Variants in CSMD1 observed in about 807,000 individuals in gnomAD.
CSMD1 encodes the protein CUB and Sushi multiple domains 1, also known as CUB and sushi domain-containing protein 1.
Under a neutral mutation model 417.5 loss-of-function variants are expected in CSMD1, and 213 were observed. The observed-to-expected ratio is 0.51, with a 90% CI of 0.46 to 0.57. The LOEUF (loss-of-function observed/expected upper bound fraction) is 0.57. CSMD1 is among the 20% of genes least tolerant of loss of function. The pLI is 0.00. For missense variants in CSMD1, 6,923 were observed against 4,529.7 expected (o/e 1.53, Z -15.17); for synonymous variants, 2,862 against 1,736.8 (o/e 1.65, Z -16.11).
intron 3 of CSMD1, among the ~76,000 whole-genome samples, chr8:4,271,234 C>T (rs950318302): frequency 6.6e-6 from 1 of 152,058 alleles, no homozygotes; most frequent in Admixed American, 6.6e-5. Flanking sequence ...ATACACGAAT[C>T]AGGGCGTAGT....
intron 3 of CSMD1, among the ~76,000 whole-genome samples, chr8:4,373,982 G>A (rs1293903460): frequency 6.6e-6 from 1 of 152,070 alleles, no homozygotes; most frequent in Non-Finnish European, 1.5e-5. Context: ...TACCATTAAC[G>A]GAAAAGCCAG....
At chr8:3,936,144 A>G (rs1244829367) in intron 5 of CSMD1, among the ~76,000 whole-genome samples, 2 of 151,480 alleles carry the variant, frequency 1.3e-5, no homozygotes, top group Non-Finnish European at 1.5e-5. Context: ...GCTGCAGAAG[A>G]TAAATTTGAA....
intron 19 of CSMD1, among the ~76,000 whole-genome samples, chr8:3,368,036 G>A (rs1040496216): frequency 1.3e-5 from 2 of 152,034 alleles, no homozygotes; most frequent in African/African-American, 2.4e-5. Flanking sequence ...CATAGTAACC[G>A]GAACTACAAA....
At chr8:3,547,610 G>C (rs12156289) in intron 10 of CSMD1, among the ~76,000 whole-genome samples, 4,588 of 152,114 alleles carry the variant, frequency 0.03, 173 homozygotes, top group African/African-American at 0.086. Flanking sequence ...TAAATATTAA[G>C]TTTACTATTT....
chr8:4,715,868 C>G (rs945025907), intron 1 of CSMD1, among the ~76,000 whole-genome samples: 1 of 152,198 alleles, frequency 6.6e-6, no homozygotes, highest in Non-Finnish European at 1.5e-5. Context: ...GGAATTGCCT[C>G]CTAAAGGGTC....
At chr8:2,948,313 G>C (rs1175739493) in intron 68 of CSMD1, among the ~76,000 whole-genome samples, 2 of 151,858 alleles carry the variant, frequency 1.3e-5, no homozygotes, top group Non-Finnish European at 2.9e-5. Flanking sequence ...GAAGAAATAG[G>C]CTCAAGAATA....
chr8:3,514,607 G>A (rs543657669), intron 10 of CSMD1, among the ~76,000 whole-genome samples: 194 of 152,286 alleles, frequency 1.3e-3, no homozygotes, highest in African/African-American at 4.5e-3. Flanking sequence ...TTGTTTTAAT[G>A]TGACTCACTA....
intron 6 of CSMD1, among the ~76,000 whole-genome samples, chr8:3,732,013 G>A (rs1187393127): frequency 6.6e-6 from 1 of 151,502 alleles, no homozygotes; most frequent in African/African-American, 2.4e-5. Context: ...TGTAAGAAGA[G>A]CAGAATGCAT....
At chr8:4,882,814 G>A (rs1355492477) in intron 1 of CSMD1, among the ~76,000 whole-genome samples, 1 of 151,876 alleles carries the variant, frequency 6.6e-6, no homozygotes, top group African/African-American at 2.4e-5. Context: ...GTAACAAACT[G>A]AGGAAAACTT....
intron 5 of CSMD1, among the ~76,000 whole-genome samples, chr8:3,933,165 T>A (rs1054620147): frequency 2.9e-5 from 4 of 135,904 alleles, no homozygotes; most frequent in Non-Finnish European, 4.9e-5. Flanking sequence ...AAAGTCCACC[T>A]CCGTGGTAAT....
At chr8:4,224,700 T>C (rs1298800602) in intron 3 of CSMD1, among the ~76,000 whole-genome samples, 1 of 152,216 alleles carries the variant, frequency 6.6e-6, no homozygotes, top group Non-Finnish European at 1.5e-5. Context: ...TGGAGATGAA[T>C]TACTAATATA....
chr8:4,119,467 A>G (rs1342437028), intron 3 of CSMD1, among the ~76,000 whole-genome samples: 1 of 152,186 alleles, frequency 6.6e-6, no homozygotes, highest in Non-Finnish European at 1.5e-5. Context: ...TGTCAGCCCG[A>G]AAACCCATTG....
At chr8:4,100,382 C>T (rs1265244388) in intron 3 of CSMD1, among the ~76,000 whole-genome samples, 6 of 152,198 alleles carry the variant, frequency 3.9e-5, no homozygotes, top group Non-Finnish European at 7.3e-5. Context: ...CATCTCCTTC[C>T]ACCTTCCCTG....
intron 3 of CSMD1, among the ~76,000 whole-genome samples, chr8:4,312,985 C>G (rs542648288): frequency 6.6e-6 from 1 of 151,952 alleles, no homozygotes; most frequent in Non-Finnish European, 1.5e-5. Context: ...GTAAGTTTTG[C>G]GGGGAAATGA....
intron 3 of CSMD1, among the ~76,000 whole-genome samples, chr8:4,130,835 C>G (rs987872671): frequency 9.3e-5 from 14 of 151,340 alleles, no homozygotes; most frequent in African/African-American, 3.2e-4. Flanking sequence ...GTACTATGTG[C>G]TATATTATAT....
chr8:4,198,936 G>A (rs561722670), intron 3 of CSMD1, among the ~76,000 whole-genome samples: 60 of 141,842 alleles, frequency 4.2e-4, no homozygotes, highest in South Asian at 4.6e-4. Context: ...TTGTATTTCC[G>A]TGTGTGTATT....
intron 1 of CSMD1, among the ~76,000 whole-genome samples, chr8:4,694,505 G>A (rs913417895): frequency 2.6e-5 from 4 of 151,934 alleles, no homozygotes; most frequent in Non-Finnish European, 4.4e-5. Flanking sequence ...ATATGCATGT[G>A]TCACCATGCC....
chr8:4,542,055 G>A (rs1410785966), intron 2 of CSMD1, among the ~76,000 whole-genome samples: 1 of 152,118 alleles, frequency 6.6e-6, no homozygotes, highest in East Asian at 1.9e-4. Flanking sequence ...AAGTCCCCGT[G>A]TGCAATGGGC....
At chr8:4,739,280 G>C (rs1484241977) in intron 1 of CSMD1, among the ~76,000 whole-genome samples, 2 of 152,098 alleles carry the variant, frequency 1.3e-5, no homozygotes, top group East Asian at 3.9e-4. Flanking sequence ...ATTTCACTTG[G>C]AACTCCTACA....
Sources: allele counts gnomAD v4.1 joint callset (sites outside exome capture counted in the v4.1 genomes callset), GRCh38; gene constraint gnomAD v4.1.1; transcripts MANE v1.5; gene names NCBI Gene and HGNC (gene_info 2026-07-23, HGNC 2026-07-21).